MYO3B: variants seen among roughly 807,000 people sequenced by gnomAD.
MYO3B encodes myosin IIIB, also known as myosin-IIIb.
A neutral mutation model predicts 174.6 loss-of-function variants in MYO3B; 156 were observed. That is an observed-to-expected ratio of 0.89 (90% CI 0.78 to 1.02). The LOEUF is 1.02. Among genes scored for constraint, MYO3B ranks in the 50% least tolerant of loss-of-function variants. MYO3B has a pLI of 0.00. For missense variants in MYO3B, 1,632 were observed against 1,639.4 expected (o/e 1.00, Z 0.08); for synonymous variants, 563 against 569.1 (o/e 0.99, Z 0.15).
At chr2:170,231,914 TATAG>T (rs2093019806) in intron 6 of MYO3B, among the ~76,000 whole-genome samples, 2 of 152,228 alleles carry the variant, frequency 1.3e-5, no homozygotes, top group South Asian at 2.1e-4. Context: ...CTTACCACTT[TATAG>T]ATAGAGAGAG....
intron 28 of MYO3B, among the ~76,000 whole-genome samples, chr2:170,513,856 T>G (rs774250607): frequency 1.3e-4 from 19 of 151,502 alleles, no homozygotes; most frequent in Non-Finnish European, 7.4e-5. Flanking sequence ...GATGGAGGAG[T>G]CAACCAGAAG....
At chr2:170,569,562 C>G (rs1174904301) in intron 32 of MYO3B, among the ~76,000 whole-genome samples, 1 of 148,734 alleles carries the variant, frequency 6.7e-6, no homozygotes, top group Non-Finnish European at 1.5e-5. Flanking sequence ...AATTGTGATC[C>G]ATAGGAAACC....
At chr2:170,384,153 A>G (rs4668254) in intron 12 of MYO3B, among the ~76,000 whole-genome samples, 9,971 of 152,322 alleles carry the variant, frequency 0.065, 967 homozygotes, top group East Asian at 0.49. Context: ...AATAGCATAT[A>G]GAATGGCATA....
intron 1 of MYO3B, among the ~76,000 whole-genome samples, chr2:170,193,412 T>C (rs1364968778): frequency 6.6e-6 from 1 of 152,114 alleles, no homozygotes; most frequent in Non-Finnish European, 1.5e-5. Flanking sequence ...TTTTTTTACT[T>C]TTAAAGTTTC....
At chr2:170,249,484 T>C (rs2093228392) in intron 7 of MYO3B, among the ~76,000 whole-genome samples, 2 of 152,250 alleles carry the variant, frequency 1.3e-5, no homozygotes, top group Non-Finnish European at 2.9e-5. Context: ...GGAGAGTTAC[T>C]GACTATTCCT....
At chr2:170,577,257 G>A (rs1337531420) in intron 32 of MYO3B, among the ~76,000 whole-genome samples, 1 of 152,108 alleles carries the variant, frequency 6.6e-6, no homozygotes. Context: ...AGAGTGGATC[G>A]ATTAGCTCTG....
At chr2:170,411,304 C>T (rs1032378378) in intron 22 of MYO3B, among the ~76,000 whole-genome samples, 1 of 152,128 alleles carries the variant, frequency 6.6e-6, no homozygotes, top group African/African-American at 2.4e-5. Context: ...TTGATTTCAT[C>T]GTTGTACAAA....
chr2:170,601,613 T>C, intron 32 of MYO3B: 1 of 1,222,614 alleles, frequency 8.2e-7, no homozygotes, highest in Non-Finnish European at 1.2e-6. Flanking sequence ...AACCAACTTA[T>C]TCATCATCAT....
chr2:170,178,909 A>G (rs903231336), intron 1 of MYO3B, among the ~76,000 whole-genome samples: 1 of 152,218 alleles, frequency 6.6e-6, no homozygotes, highest in African/African-American at 2.4e-5. Flanking sequence ...TAACATGACA[A>G]TGTAAACAAT....
chr2:170,629,264 C>T (rs724529), intron 32 of MYO3B, among the ~76,000 whole-genome samples: 103,245 of 152,020 alleles, frequency 0.68, 35,528 homozygotes, highest in African/African-American at 0.78. Flanking sequence ...GCCAGCCACC[C>T]TGATTACCCC....
At chr2:170,182,871 A>T (rs529979145) in intron 1 of MYO3B, among the ~76,000 whole-genome samples, 2 of 151,840 alleles carry the variant, frequency 1.3e-5, no homozygotes, top group South Asian at 4.2e-4. Context: ...GGCCTCCCAA[A>T]GTGCTGGGAT....
chr2:170,570,592 A>T (rs192135123), intron 32 of MYO3B, among the ~76,000 whole-genome samples: 1 of 152,278 alleles, frequency 6.6e-6, no homozygotes, highest in East Asian at 1.9e-4. Flanking sequence ...TGCCTTCCAC[A>T]GCAAATTACT....
At chr2:170,459,276 CAG>C (rs1318854862) in intron 23 of MYO3B, among the ~76,000 whole-genome samples, 1 of 152,184 alleles carries the variant, frequency 6.6e-6, no homozygotes, top group Non-Finnish European at 1.5e-5. Flanking sequence ...GTCCATTTTA[CAG>C]AGAGCTGATT....
chr2:170,557,105 A>G (rs186622348), intron 32 of MYO3B, among the ~76,000 whole-genome samples: 5 of 148,914 alleles, frequency 3.4e-5, no homozygotes, highest in Admixed American at 3.3e-4. Context: ...CTTTTCTTTT[A>G]GGTTCAAAGG....
At chr2:170,327,987 G>C (rs977675891) in intron 7 of MYO3B, among the ~76,000 whole-genome samples, 5 of 151,396 alleles carry the variant, frequency 3.3e-5, no homozygotes, top group African/African-American at 1.2e-4. Context: ...CTGCAGCCCC[G>C]ACCTCCCAGG....
intron 32 of MYO3B, among the ~76,000 whole-genome samples, chr2:170,616,488 T>C (rs1695469920): frequency 1.3e-5 from 2 of 152,178 alleles, no homozygotes; most frequent in Admixed American, 1.3e-4. Flanking sequence ...GCATGCAACT[T>C]TGTATTTACA....
At chr2:170,216,134 C>T (rs1480397414) in intron 5 of MYO3B, among the ~76,000 whole-genome samples, 1 of 152,194 alleles carries the variant, frequency 6.6e-6, no homozygotes, top group Non-Finnish European at 1.5e-5. Flanking sequence ...GCAGTCATCC[C>T]CCAATAAACC....
chr2:170,179,399 G>C (rs551311168), intron 1 of MYO3B, among the ~76,000 whole-genome samples: 1 of 152,088 alleles, frequency 6.6e-6, no homozygotes, highest in Admixed American at 6.5e-5. Context: ...CTTTACCATG[G>C]TTATGGTTTG....
In MYO3B at chr2:170,336,956, T is replaced by A. The variant is rs143047658; in HGVS notation, c.815+1506T>A. ...CAAAGACCCCTGCTAAGAAAGACTG[T>A]GTTGGAACATGACCATGAAGTTGAA... On this transcript the variant is annotated intron_variant, in intron 8 of 34. Coordinates refer to ENST00000408978, the MANE Select transcript of MYO3B (RefSeq NM_138995.5). Among the ~76,000 whole-genome samples, 273 of 151,854 alleles carry A rather than the reference T, an allele frequency of 1.8e-3. 1 individual carries two copies. The highest frequency in any genetic ancestry group is 0.013 in the Admixed American group (198 of 15,192).
Sources: gnomAD v4.1 joint callset for allele counts (sites outside exome capture counted in the v4.1 genomes callset) on GRCh38, gnomAD v4.1.1 for gene constraint, MANE v1.5 for transcripts, NCBI Gene and HGNC (gene_info 2026-07-23, HGNC 2026-07-21) for gene names.